EPS8L1: variants seen among roughly 807,000 people sequenced by gnomAD.
EPS8L1 encodes the protein EPS8 signaling adaptor L1.
In EPS8L1, 101 loss-of-function variants were observed where a neutral mutation model predicts 91.7. That is an observed-to-expected ratio of 1.10 (90% CI 0.94 to 1.30). The LOEUF (loss-of-function observed/expected upper bound fraction) is 1.30. Among genes scored for constraint, EPS8L1 ranks in the 50% most tolerant of loss-of-function variants. EPS8L1 has a pLI of 0.00. For missense variants in EPS8L1, 1,114 were observed against 1,017.0 expected (o/e 1.10, Z -1.30); for synonymous variants, 506 against 445.3 (o/e 1.14, Z -1.72).
At position 55,082,600 on chromosome 19, in the gene EPS8L1, C is replaced by A; in HGVS notation, c.1212C>A (p.Pro404=). 1 of 1,559,962 alleles carries A rather than the reference C, an allele frequency of 6.4e-7. No homozygotes were observed. Among genetic ancestry groups the A allele is most frequent in the African/African-American group, 1.4e-5 (1 of 73,484 alleles). Reference sequence around the variant, plus strand: ...CGCTGGGGGACTCGTGGACCCGCCCCGGGTGAGGGGCGGGGCTGGGAGGCA... The same window carrying A: ...CGCTGGGGGACTCGTGGACCCGCCCAGGGTGAGGGGCGGGGCTGGGAGGCA... ...WTSLGDSWTR[P]GLELSPEEGP... The change falls in exon 12 of 20, where the codon CCC becomes CCA. Residue 404 remains proline, a splice_region_variant and synonymous_variant. Coordinates refer to ENST00000201647, the MANE Select transcript of EPS8L1 (RefSeq NM_133180.3).
At chr19:55,079,417 G>C (rs1327998886) in intron 4 of EPS8L1, among the ~76,000 whole-genome samples, 1 of 152,134 alleles carries the variant, frequency 6.6e-6, no homozygotes, top group Non-Finnish European at 1.5e-5. Context: ...GACCCGAGGA[G>C]GCATTTAGAA....
Position 55,082,164 on chromosome 19 carries a change from A to G in EPS8L1, c.974A>G (p.Tyr325Cys), listed in dbSNP as rs1386567644. ...EYTDVLQKIK[Y>C]AFSLLARLRG... ...ACCGACGTGCTGCAGAAGATCAAGT[A>G]CGCCTTCAGCCTGCTGGTGAGGACG... is the stretch of plus-strand genomic sequence containing the variant. Residue 325 changes from tyrosine (Y) to cysteine (C), a missense_variant, in exon 10 of 20, where the codon TAC (tyrosine) becomes TGC (cysteine). Coordinates refer to ENST00000201647, the MANE Select transcript of EPS8L1 (RefSeq NM_133180.3). The G allele has an allele frequency of 3.7e-6, 6 of 1,601,202 alleles. No individual in the cohort carries two copies. The highest frequency in any genetic ancestry group is 5.1e-6 in the Non-Finnish European group (6 of 1,174,578).
In EPS8L1 at chr19:55,079,708, C is replaced by T; in HGVS notation, c.136C>T (p.Leu46=). 6.2e-7 allele frequency: 1 copy of T among 1,614,016 alleles called. No homozygotes were observed. The highest frequency in any genetic ancestry group is 8.5e-7 in the Non-Finnish European group (1 of 1,179,920). Residue 46 remains leucine (L), a synonymous_variant, in exon 5 of 20, where the codon CTG becomes TTG. Coordinates refer to ENST00000201647, the MANE Select transcript of EPS8L1 (RefSeq NM_133180.3). The part of the protein sequence containing the change: ...YPVNHLVTFC[L]GEDDGVHTVE... Reference sequence around the variant, plus strand: ...GTACCAGCACCTGGTGACGTTCTGCCTGGGTGAGGACGATGGCGTGCATAC... The same window carrying T: ...GTACCAGCACCTGGTGACGTTCTGCTTGGGTGAGGACGATGGCGTGCATAC...
chr19:55,080,403 G>C, intron 6 of EPS8L1, 125 bp downstream of exon 6: 1 of 1,576,298 alleles, frequency 6.3e-7, no homozygotes, highest in African/African-American at 1.3e-5. Context: ...GAGCAAGGAA[G>C]GGCAGGGGAC....
At chr19:55,082,671 G>A (rs1252101218) in intron 12 of EPS8L1, 69 bp downstream of exon 12, 1 of 1,427,738 alleles carries the variant, frequency 7.0e-7, no homozygotes, top group Non-Finnish European at 9.4e-7. Flanking sequence ...GAGGTGGGTG[G>A]CATGATGATT....
In EPS8L1 at chr19:55,083,362, C is replaced by G; in HGVS notation, c.1215-16C>G. 1 of 1,611,148 alleles carries G rather than the reference C, an allele frequency of 6.2e-7. No individual in the cohort carries two copies. ...TATCAGGATCCCTGAGCTCTTGGCC[C>G]TGTCCCTGGCCGCAGGCTGGAGCTG... On this transcript the variant is annotated splice_polypyrimidine_tract_variant and intron_variant, in intron 12 of 19. Transcript: ENST00000201647. This position sits in a 1 kb window ranked among gnomAD's most constrained non-coding sequence, Gnocchi z 4.7.
In EPS8L1 at chr19:55,078,065, C is replaced by T; in HGVS notation, c.18-23C>T. 5.6e-6 allele frequency: 9 copies of T among 1,613,632 alleles called. No individual in the cohort carries two copies. In the East Asian group the frequency reaches 1.6e-4, roughly 28 times the overall value. On this transcript the variant is annotated intron_variant, in intron 2 of 19. Transcript: ENST00000201647. The stretch of plus-strand genomic sequence containing the variant: ...ATCTGCCCCCAGTCCCACAGTCTCT[C>T]TCATTCCTCTTTTCTTCACCAGCCC...
In EPS8L1 at chr19:55,081,452, G is replaced by A. The variant is rs775513640; in HGVS notation, c.734G>A (p.Arg245Gln). 23 of 1,603,272 alleles carry A rather than the reference G, an allele frequency of 1.4e-5. No homozygotes were observed. Among genetic ancestry groups the A allele is most frequent in the Middle Eastern group, 2.1e-4 (1 of 4,772 alleles). ...TCGGCCTCCCCGGACCTGGGTCCCC[G>A]GGGTCCTGACCTGGCGGTTCTGCAG... is the stretch of plus-strand genomic sequence containing the variant. ...ADSASPDLGP[R>Q]GPDLAVLQAE... Residue 245 changes from arginine to glutamine, a missense_variant, in exon 8 of 20, where the codon CGG becomes CAG. Physicochemically the swap from Arg to Gln is conservative, Grantham distance 43. Coordinates refer to ENST00000201647, the MANE Select transcript of EPS8L1 (RefSeq NM_133180.3). This position sits in a 1 kb window ranked among gnomAD's most constrained non-coding sequence, Gnocchi z 4.9.
At position 55,081,173 on chromosome 19, in the gene EPS8L1, TC is replaced by T; in HGVS notation, c.513-53del. The T allele has an allele frequency of 1.4e-6, 2 of 1,453,766 alleles. No homozygotes were observed. Among genetic ancestry groups the T allele is most frequent in the Non-Finnish European group, 1.8e-6 (2 of 1,110,638 alleles). The allele number at this position is 1,453,766 out of a possible 1,614,324, so 90.1% of individuals were successfully genotyped here. A position where few individuals can be genotyped will look rare whatever the true frequency, so the allele number is the denominator to read the frequency against. ...TGTGTCTCGTTCTGCGCCCTGGATTTCCCCCTCCCTGGACCCCTCAGTGGAC... is the reference window on the plus strand; with the variant it reads ...TGTGTCTCGTTCTGCGCCCTGGATTTCCCCTCCCTGGACCCCTCAGTGGAC... On this transcript the variant is annotated intron_variant, in intron 7 of 19. Transcript: ENST00000201647. This position sits in a 1 kb window ranked among gnomAD's most constrained non-coding sequence, Gnocchi z 4.9.
intron 6 of EPS8L1, 69 bp downstream of exon 6, chr19:55,080,347 G>A (rs2076228324): frequency 1.9e-6 from 3 of 1,545,188 alleles, no homozygotes; most frequent in East Asian, 4.9e-5. Context: ...GGCGGAAATG[G>A]GTGGGGCCTC....
intron 17 of EPS8L1, 78 bp from the exon 18 acceptor site, chr19:55,086,636 C>CCCCCCCCCCCCCCCCCGGGGCCCCCGG: frequency 2.1e-6 from 2 of 956,964 alleles, no homozygotes; most frequent in Non-Finnish European, 1.4e-6. Context: ...CGCTGGAGCG[C>CCCCCCCCCCCCCCCCCGGGGCCCCCGG]CCCCCCGCCC....
rs1267627822 is a variant in EPS8L1, at chr19:55,082,653, G to A, written c.1214+51G>A. On this transcript the variant is annotated intron_variant, in intron 12 of 19. Transcript: ENST00000201647. ...GGGCATGGTGATTGGAGGAGCATAA[G>A]GCGCTGGGAGGTGGGTGGCATGATG... is the stretch of plus-strand genomic sequence containing the variant. 5 of 1,493,148 alleles carry A rather than the reference G, an allele frequency of 3.3e-6. No individual in the cohort carries two copies. In the African/African-American group the frequency reaches 5.6e-5, roughly 17 times the overall value. 92.5% of individuals were successfully genotyped at this position (1,493,148 alleles called of 1,614,324 possible). A position where few individuals can be genotyped will look rare whatever the true frequency, so the allele number is the denominator to read the frequency against.
At chr19:55,080,378 G>T in intron 6 of EPS8L1, 100 bp downstream of exon 6, 2 of 1,553,612 alleles carry the variant, frequency 1.3e-6, no homozygotes, top group Non-Finnish European at 1.7e-6. Flanking sequence ...GGGGCCTGGG[G>T]CTAAGGCGGG....
Position 55,082,443 on chromosome 19 carries a change from T to C in EPS8L1, c.1066-11T>C. On this transcript the variant is annotated splice_polypyrimidine_tract_variant and intron_variant, in intron 11 of 19. Transcript: ENST00000201647. ...TGGCGGCACAGCCTGCCCCTCCTGCTCCCCTGACAGATTGTGAACACGTCG... is the reference window on the plus strand; with the variant it reads ...TGGCGGCACAGCCTGCCCCTCCTGCCCCCCTGACAGATTGTGAACACGTCG... 6.2e-7 allele frequency: 1 copy of C among 1,611,252 alleles called. No homozygotes were observed. The highest frequency in any genetic ancestry group is 1.1e-5 in the South Asian group (1 of 90,978).
At position 55,083,930 on chromosome 19, in the gene EPS8L1, T is replaced by TTGGATCCC. The variant is rs1283349333; in HGVS notation, c.1385+295_1385+302dup. On this transcript the variant is annotated intron_variant, in intron 14 of 19. Transcript: ENST00000201647. This position sits in a 1 kb window ranked among gnomAD's most constrained non-coding sequence, Gnocchi z 4.7. ...CTGGGAGTGGGTAAAGTCTGAGAGG[T>TTGGATCCC]TGGATCCCTGGATCCCCAAAAGGCT... 2 of 605,774 alleles carry TTGGATCCC rather than the reference T, an allele frequency of 3.3e-6. No homozygotes were observed. The highest frequency in any genetic ancestry group is 2.8e-5 in the East Asian group (1 of 36,186). 37.5% of individuals were successfully genotyped at this position (605,774 alleles called of 1,614,324 possible). A position where few individuals can be genotyped will look rare whatever the true frequency, so the allele number is the denominator to read the frequency against.
rs1288490335 is a variant in EPS8L1 at position 55,087,216 on chromosome 19, G to C, written c.1953-87G>C. On this transcript the variant is annotated intron_variant, in intron 18 of 19. Transcript: ENST00000201647. Reference sequence around the variant, plus strand: ...CTAGAGCTAGAATGCTGTTCTGATTGGACCATCGCCGGGTGGGCGTGACAT... The same window carrying C: ...CTAGAGCTAGAATGCTGTTCTGATTCGACCATCGCCGGGTGGGCGTGACAT... The C allele has an allele frequency of 2.7e-6, 4 of 1,505,584 alleles. No individual in the cohort carries two copies. In the Admixed American group the frequency reaches 6.4e-5, roughly 24 times the overall value. 93.3% of individuals were successfully genotyped at this position (1,505,584 alleles called of 1,614,324 possible).
Position 55,081,105 on chromosome 19 carries a change from A to C in EPS8L1, c.513-126A>C. On this transcript the variant is annotated intron_variant, in intron 7 of 19. Transcript: ENST00000201647. This position sits in a 1 kb window ranked among gnomAD's most constrained non-coding sequence, Gnocchi z 4.9. ...CCCTCCGTATATCGGATTTCTCCCT[A>C]CCTCGTTGAACTTGTTCACTCCCTT... The C allele has an allele frequency of 2.5e-6, 3 of 1,210,304 alleles. No individual in the cohort carries two copies. The highest frequency in any genetic ancestry group is 2.2e-6 in the Non-Finnish European group (2 of 897,468). The allele number at this position is 1,210,304 out of a possible 1,614,324, so 75.0% of individuals were successfully genotyped here.
At chr19:55,086,636 C>CCCCCCCCCCCCCCCCCCCCTG in intron 17 of EPS8L1, 78 bp from the exon 18 acceptor site, 2 of 956,962 alleles carry the variant, frequency 2.1e-6, no homozygotes, top group Non-Finnish European at 2.9e-6. Context: ...CGCTGGAGCG[C>CCCCCCCCCCCCCCCCCCCCTG]CCCCCCGCCC....
At chr19:55,076,847 C>T (rs2076143745) in intron 2 of EPS8L1, among the ~76,000 whole-genome samples, 1 of 152,228 alleles carries the variant, frequency 6.6e-6, no homozygotes, top group Non-Finnish European at 1.5e-5. Context: ...ATAGGAGTCG[C>T]TATTGCGATT....
Sources: allele counts gnomAD v4.1 joint callset (sites outside exome capture counted in the v4.1 genomes callset), GRCh38; gene constraint gnomAD v4.1.1; non-coding constraint Gnocchi (gnomAD v3.1); transcripts MANE v1.5; gene names NCBI Gene and HGNC (gene_info 2026-07-23, HGNC 2026-07-21).